Variants in SFSWAP observed in about 807,000 individuals in gnomAD.
SFSWAP encodes the protein splicing factor, suppressor of white-apricot homolog.
SFSWAP carries 17 observed loss-of-function variants against 100.7 expected under a neutral mutation model. That is an observed-to-expected ratio of 0.17 (90% CI 0.12 to 0.25). The LOEUF (loss-of-function observed/expected upper bound fraction) is 0.25. Among genes scored for constraint, SFSWAP ranks in the 10% least tolerant of loss-of-function variants. SFSWAP has a pLI of 1.00. For missense variants in SFSWAP, 1,005 were observed against 1,262.6 expected (o/e 0.80, Z 3.09); for synonymous variants, 504 against 510.1 (o/e 0.99, Z 0.16).
chr12:131,748,306 C>T (rs1199036337), intron 7 of SFSWAP, among the ~76,000 whole-genome samples: 1 of 151,364 alleles, frequency 6.6e-6, no homozygotes, highest in Non-Finnish European at 1.5e-5. Context: ...CCTGCCACAG[C>T]CTCCCAAGTA....
At chr12:131,736,967 C>A (rs966135828) in intron 7 of SFSWAP, among the ~76,000 whole-genome samples, 1 of 152,106 alleles carries the variant, frequency 6.6e-6, no homozygotes, top group Non-Finnish European at 1.5e-5. Flanking sequence ...CTAAAACACA[C>A]GTGCCTCCAA....
Position 131,778,241 on chromosome 12 carries a change from G to A in SFSWAP, c.2319G>A (p.Lys773=). The change falls in exon 14 of 18, where the codon AAG becomes AAA. Residue 773 remains lysine, a synonymous_variant. Transcript: ENST00000261674. This position sits in a 1 kb window ranked among gnomAD's most constrained non-coding sequence, Gnocchi z 4.2. The part of the protein sequence containing the change: ...KRSRTRSRSP[K]YHSSSKSRSR... ...CTCGAACAAGATCACGTTCTCCCAA[G>A]TACCATTCGTCATCCAAGTCCAGGT... 4 of 1,614,082 alleles carry A rather than the reference G, an allele frequency of 2.5e-6. No individual in the cohort carries two copies. The highest frequency in any genetic ancestry group is 3.4e-6 in the Non-Finnish European group (4 of 1,180,026).
chr12:131,711,383 C>G lies in SFSWAP; in HGVS notation c.154C>G (p.Leu52Val). 6.2e-7 allele frequency: 1 copy of G among 1,613,966 alleles called. No individual in the cohort carries two copies. ...GCTGTTCCGGGACGACGAGCGGGCC[C>G]TGGCTCAGGAACAGGGACAGCACCT... ...CKLFRDDERALAQEQGQHLIP... is the reference protein window; with the variant it reads ...CKLFRDDERAVAQEQGQHLIP... Residue 52 changes from leucine (L) to valine (V), a missense_variant, in exon 1 of 18, where the codon CTG (leucine) becomes GTG (valine). Transcript: ENST00000261674. This position sits in a 1 kb window ranked among gnomAD's most constrained non-coding sequence, Gnocchi z 4.9.
chr12:131,762,487 T>C (rs1294536407), intron 11 of SFSWAP, among the ~76,000 whole-genome samples: 1 of 152,220 alleles, frequency 6.6e-6, no homozygotes, highest in East Asian at 1.9e-4. Context: ...TTAATACTCT[T>C]ATTTGTTGAT....
intron 15 of SFSWAP, among the ~76,000 whole-genome samples, chr12:131,787,848 C>T (rs1405390395): frequency 2.0e-5 from 3 of 152,166 alleles, no homozygotes; most frequent in East Asian, 1.9e-4. Flanking sequence ...CGGTTCCCTC[C>T]GTTGACAAGA....
rs370637917 is a variant in SFSWAP at position 131,711,484 on chromosome 12, C to T, written c.218+37C>T. 1.9e-5 allele frequency: 29 copies of T among 1,528,864 alleles called. No homozygotes were observed. The African/African-American group carries it at 2.6e-4, about 14-fold the overall frequency. 94.7% of individuals were successfully genotyped at this position (1,528,864 alleles called of 1,614,324 possible). A position where few individuals can be genotyped will look rare whatever the true frequency, so the allele number is the denominator to read the frequency against. ...TCCCCACCCGTCGATCCTTCCCTTC[C>T]CTCACCCGCTTGATCTCGTCTGATG... On this transcript the variant is annotated intron_variant, in intron 1 of 17. Transcript: ENST00000261674. This position sits in a 1 kb window ranked among gnomAD's most constrained non-coding sequence, Gnocchi z 4.9.
chr12:131,719,399 G>A, intron 3 of SFSWAP, 55 bp from the exon 4 acceptor site: 1 of 1,308,440 alleles, frequency 7.6e-7, no homozygotes, highest in Admixed American at 1.7e-5. Context: ...CCTGCTGTTA[G>A]CAGGTGCCTT....
rs573400686 is a variant in SFSWAP at position 131,764,834 on chromosome 12, G to A, written c.1951+148G>A. 5 of 630,698 alleles carry A rather than the reference G, an allele frequency of 7.9e-6. No homozygotes were observed. In the South Asian group the frequency reaches 8.0e-5, roughly 10 times the overall value. The allele number at this position is 630,698 out of a possible 1,614,324, so 39.1% of individuals were successfully genotyped here. On this transcript the variant is annotated intron_variant, in intron 12 of 17. Coordinates refer to ENST00000261674, the MANE Select transcript of SFSWAP (RefSeq NM_004592.4). ...TTGGGAGTTGTGTAACATGTCTGAG[G>A]TTTTGAAACGTTCTCTTTTAGAGGA...
chr12:131,729,101 A>G (rs1037293376), intron 7 of SFSWAP, among the ~76,000 whole-genome samples: 18 of 152,174 alleles, frequency 1.2e-4, no homozygotes, highest in African/African-American at 2.9e-4. Context: ...AGCAGAGGCA[A>G]TGGGGCCTCC....
chr12:131,792,669 TGTGTGTG>T (rs1364973885), intron 15 of SFSWAP, among the ~76,000 whole-genome samples: 22 of 152,388 alleles, frequency 1.4e-4, no homozygotes, highest in Admixed American at 1.3e-3. Flanking sequence ...AGACCAGTGC[TGTGTGTG>T]CCCATAAGTA....
chr12:131,740,865 A>G (rs989789930), intron 7 of SFSWAP, among the ~76,000 whole-genome samples: 11 of 149,726 alleles, frequency 7.3e-5, no homozygotes, highest in African/African-American at 2.2e-4. Context: ...TGGGGTGTGG[A>G]GGCAGCTGCA....
chr12:131,716,485 G>A (rs2058751274), intron 3 of SFSWAP, among the ~76,000 whole-genome samples: 1 of 152,144 alleles, frequency 6.6e-6, no homozygotes, highest in African/African-American at 2.4e-5. Context: ...CCACACACAT[G>A]AGTTCAGCTT....
In SFSWAP at chr12:131,734,615, C is replaced by T. The variant is rs1879823264; in HGVS notation, c.1081+6187C>T. On this transcript the variant is annotated intron_variant, in intron 7 of 17. Coordinates refer to ENST00000261674, the MANE Select transcript of SFSWAP (RefSeq NM_004592.4). This position sits in a 1 kb window ranked among gnomAD's most constrained non-coding sequence, Gnocchi z 4.9. ...TGAGGCAAAGGCTGGGACTGTCTTA[C>T]TAGCCAGCGTGCTCCTTGCACCTCG... Among the ~76,000 whole-genome samples, 1 of 152,210 alleles carries T rather than the reference C, an allele frequency of 6.6e-6. No individual in the cohort carries two copies. The highest frequency in any genetic ancestry group is 1.5e-5 in the Non-Finnish European group (1 of 68,026).
rs568691589 is a variant in SFSWAP, at chr12:131,711,154, G to C, written c.-76G>C. ...ACGGGATGCGGGGTCTTTGACTGAA[G>C]GGGTAGGCCAAGTGGAGGTATCAGG... is the stretch of plus-strand genomic sequence containing the variant. On this transcript the variant is annotated 5_prime_UTR_variant, in exon 1 of 18. Transcript: ENST00000261674. The surrounding 1 kb of genome is among the most constrained non-coding windows in gnomAD (Gnocchi z 4.9). 4 of 1,214,754 alleles carry C rather than the reference G, an allele frequency of 3.3e-6. No individual in the cohort carries two copies. In the Admixed American group the frequency reaches 7.6e-5, roughly 23 times the overall value. 75.2% of individuals were successfully genotyped at this position (1,214,754 alleles called of 1,614,324 possible). A position where few individuals can be genotyped will look rare whatever the true frequency, so the allele number is the denominator to read the frequency against.
intron 11 of SFSWAP, 124 bp from the exon 12 acceptor site, chr12:131,764,332 C>G (rs1014434893): frequency 6.9e-6 from 5 of 729,896 alleles, no homozygotes; most frequent in South Asian, 1.7e-5. Context: ...ACCGTAGACC[C>G]TGCATATGAT....
chr12:131,728,198 T>G (rs1464094662), intron 6 of SFSWAP, 95 bp from the exon 7 acceptor site: 1 of 1,428,192 alleles, frequency 7.0e-7, no homozygotes, highest in African/African-American at 1.4e-5. Context: ...TTCTAAGGCA[T>G]GTACACTGAG....
chr12:131,739,501 A>G (rs894309074), intron 7 of SFSWAP, among the ~76,000 whole-genome samples: 2 of 138,176 alleles, frequency 1.4e-5, no homozygotes, highest in Non-Finnish European at 3.1e-5. Flanking sequence ...ATGAGAGTTT[A>G]TAAATAGTAT....
intron 7 of SFSWAP, among the ~76,000 whole-genome samples, chr12:131,738,885 C>CT (rs71072785): frequency 0.064 from 3,107 of 48,582 alleles, 715 homozygotes; most frequent in East Asian, 0.43. Flanking sequence ...GAACATTATT[C>CT]TTTTTTTTTT....
intron 12 of SFSWAP, 83 bp from the exon 13 acceptor site, chr12:131,766,035 C>A: frequency 7.2e-7 from 1 of 1,387,334 alleles, no homozygotes; most frequent in Non-Finnish European, 9.8e-7. Context: ...CATTGTATGA[C>A]ACTTTTGCAA....
Sources: gnomAD v4.1 joint callset for allele counts (sites outside exome capture counted in the v4.1 genomes callset) on GRCh38, gnomAD v4.1.1 for gene constraint, Gnocchi (gnomAD v3.1) non-coding constraint, MANE v1.5 for transcripts, NCBI Gene and HGNC (gene_info 2026-07-23, HGNC 2026-07-21) for gene names.